CSMD3: variants seen among roughly 807,000 people sequenced by gnomAD.
CSMD3 encodes the protein CUB and sushi domain-containing protein 3.
A neutral mutation model predicts 435.2 loss-of-function variants in CSMD3; 177 were observed. The ratio of observed to expected loss-of-function variants is 0.41; its 90% CI spans 0.36 to 0.46. The LOEUF (loss-of-function observed/expected upper bound fraction) is 0.46, where lower values mean the gene tolerates loss of function less well. Ranked by LOEUF, CSMD3 falls within the 20% of genes least tolerant of loss-of-function variation. The pLI is 0.34. For missense variants in CSMD3, 4,265 were observed against 4,504.6 expected (o/e 0.95, Z 1.52); for synonymous variants, 1,656 against 1,520.5 (o/e 1.09, Z -2.07).
At chr8:112,282,853 T>C (rs1368546152) in intron 58 of CSMD3, among the ~76,000 whole-genome samples, 1 of 152,136 alleles carries the variant, frequency 6.6e-6, no homozygotes, top group Non-Finnish European at 1.5e-5. Flanking sequence ...AATGATTTAT[T>C]GTTGCCTGTG....
chr8:112,972,749 A>C (rs1185284507), intron 7 of CSMD3, among the ~76,000 whole-genome samples: 2 of 151,958 alleles, frequency 1.3e-5, no homozygotes, highest in South Asian at 2.1e-4. Context: ...TTTTTAAAAA[A>C]TATCTATTGG....
At chr8:112,532,389 T>A (rs183358682) in intron 27 of CSMD3, among the ~76,000 whole-genome samples, 12 of 152,186 alleles carry the variant, frequency 7.9e-5, no homozygotes, top group Non-Finnish European at 1.3e-4. Context: ...GCAGAGTCAA[T>A]CAAAATAACA....
chr8:112,317,444 T>C (rs965329700), intron 47 of CSMD3, among the ~76,000 whole-genome samples: 5 of 152,000 alleles, frequency 3.3e-5, no homozygotes, highest in African/African-American at 1.2e-4. Context: ...ACATATCCTG[T>C]GTCTGCTCAA....
At chr8:112,439,891 A>T (rs1814805198) in intron 32 of CSMD3, among the ~76,000 whole-genome samples, 1 of 151,892 alleles carries the variant, frequency 6.6e-6, no homozygotes, top group Non-Finnish European at 1.5e-5. Context: ...GAAGATTACA[A>T]TCAGATTACA....
At chr8:113,122,485 A>G (rs2091012459) in intron 4 of CSMD3, among the ~76,000 whole-genome samples, 1 of 152,136 alleles carries the variant, frequency 6.6e-6, no homozygotes, top group Non-Finnish European at 1.5e-5. Flanking sequence ...CAGTTGATGC[A>G]ATTAAAATCC....
chr8:113,019,642 A>G (rs1587900751), intron 5 of CSMD3, among the ~76,000 whole-genome samples: 1 of 148,800 alleles, frequency 6.7e-6, no homozygotes, highest in Non-Finnish European at 1.5e-5. Context: ...TGCTTCTCAT[A>G]TATGTATTGA....
intron 22 of CSMD3, among the ~76,000 whole-genome samples, chr8:112,591,907 C>G (rs1287973564): frequency 6.6e-6 from 1 of 151,730 alleles, no homozygotes; most frequent in Non-Finnish European, 1.5e-5. Flanking sequence ...AGTTAGGACA[C>G]CATTGATTAT....
chr8:113,195,812 T>TACACAC (rs1399362220), intron 3 of CSMD3, among the ~76,000 whole-genome samples: 5 of 139,560 alleles, frequency 3.6e-5, no homozygotes, highest in East Asian at 2.0e-4. Context: ...TATATATATA[T>TACACAC]ATACACACAC....
intron 27 of CSMD3, among the ~76,000 whole-genome samples, chr8:112,542,413 C>A (rs1403361507): frequency 6.7e-6 from 1 of 148,860 alleles, no homozygotes; most frequent in East Asian, 2.0e-4. Context: ...TATAGAAAAT[C>A]CTAAAGACTT....
chr8:113,168,273 T>G (rs2092192886), intron 4 of CSMD3, among the ~76,000 whole-genome samples: 1 of 151,944 alleles, frequency 6.6e-6, no homozygotes, highest in South Asian at 2.1e-4. Context: ...ACACCTGTAA[T>G]CCCAGCACTC....
intron 10 of CSMD3, among the ~76,000 whole-genome samples, chr8:112,899,056 T>A (rs996804170): frequency 6.6e-6 from 1 of 151,270 alleles, no homozygotes; most frequent in African/African-American, 2.4e-5. Flanking sequence ...TTCAATTTCT[T>A]ATACAAATAA....
At chr8:113,264,251 TACTC>T (rs986168352) in intron 3 of CSMD3, among the ~76,000 whole-genome samples, 1 of 151,538 alleles carries the variant, frequency 6.6e-6, no homozygotes, top group African/African-American at 2.4e-5. Flanking sequence ...TAACAACTAT[TACTC>T]TGTATGGCCT....
intron 32 of CSMD3, among the ~76,000 whole-genome samples, chr8:112,470,538 G>A (rs529476771): frequency 3.9e-5 from 6 of 152,210 alleles, no homozygotes; most frequent in Non-Finnish European, 1.5e-5. Context: ...AGTAAGTTAA[G>A]TTGAGCCTGA....
At chr8:112,561,906 C>A (rs2131252493) in intron 24 of CSMD3, among the ~76,000 whole-genome samples, 1 of 151,738 alleles carries the variant, frequency 6.6e-6, no homozygotes, top group African/African-American at 2.4e-5. Context: ...CACACACACA[C>A]AAACACATTG....
intron 3 of CSMD3, among the ~76,000 whole-genome samples, chr8:113,272,618 G>A (rs1285994519): frequency 6.6e-6 from 1 of 152,118 alleles, no homozygotes; most frequent in Non-Finnish European, 1.5e-5. Flanking sequence ...CCAGCCATGT[G>A]GAACAACTGT....
At chr8:112,924,728 A>G (rs2082858361) in intron 9 of CSMD3, among the ~76,000 whole-genome samples, 1 of 152,042 alleles carries the variant, frequency 6.6e-6, no homozygotes, top group Non-Finnish European at 1.5e-5. Context: ...TAGCCATCTC[A>G]ACATGTTCTT....
chr8:112,419,627 G>A (rs1586263837), intron 32 of CSMD3, among the ~76,000 whole-genome samples: 1 of 152,212 alleles, frequency 6.6e-6, no homozygotes, highest in Non-Finnish European at 1.5e-5. Context: ...TCTACTTTCA[G>A]ATTTCTCTAA....
chr8:112,313,976 A>G lies in CSMD3; in HGVS notation c.7626T>C (p.Gly2542=), dbSNP rs746508577. The change falls in exon 49 of 71, where the codon GGT becomes GGC. Residue 2542 remains glycine, a synonymous_variant. Coordinates refer to ENST00000297405, the MANE Select transcript of CSMD3 (RefSeq NM_198123.2). ...YSSAFNITSN[G]HEVFLQWSAD... ...CTGACCACTGAAGAAATACTTCATGACCATTGCTTGTTATATTAAAAGCAG... is the reference window on the plus strand; with the variant it reads ...CTGACCACTGAAGAAATACTTCATGGCCATTGCTTGTTATATTAAAAGCAG... 6.2e-7 allele frequency: 1 copy of G among 1,611,224 alleles called. No individual in the cohort carries two copies. Among genetic ancestry groups the G allele is most frequent in the Non-Finnish European group, 8.5e-7 (1 of 1,177,622 alleles).
intron 32 of CSMD3, among the ~76,000 whole-genome samples, chr8:112,457,861 T>A (rs1164950898): frequency 6.6e-6 from 1 of 152,058 alleles, no homozygotes; most frequent in Admixed American, 6.6e-5. Context: ...CCCACATTTT[T>A]TCCAAGAATG....
Sources: gnomAD v4.1 joint callset for allele counts (sites outside exome capture counted in the v4.1 genomes callset) on GRCh38, gnomAD v4.1.1 for gene constraint, MANE v1.5 for transcripts, NCBI Gene and HGNC (gene_info 2026-07-23, HGNC 2026-07-21) for gene names.